Variants in SPACA7 observed in about 807,000 individuals in gnomAD.
SPACA7 encodes the protein sperm acrosome associated 7.
A neutral mutation model predicts 26.3 loss-of-function variants in SPACA7; 19 were observed. That is an observed-to-expected ratio of 0.72 (90% CI 0.50 to 1.06). The LOEUF is 1.06. Among genes scored for constraint, SPACA7 ranks in the 50% least tolerant of loss-of-function variants. The pLI, the probability that SPACA7 is intolerant of heterozygous loss-of-function variation, is 0.00. For missense variants in SPACA7, 211 were observed against 229.9 expected (o/e 0.92, Z 0.53); for synonymous variants, 84 against 84.5 (o/e 0.99, Z 0.04).
chr13:112,426,996 T>C (rs1876599831), intron 5 of SPACA7, among the ~76,000 whole-genome samples: 1 of 152,196 alleles, frequency 6.6e-6, no homozygotes, highest in East Asian at 1.9e-4. Context: ...CTAGGAAGGA[T>C]GATGTTAGCT....
chr13:112,411,187 G>C (rs1886328160), intron 5 of SPACA7, among the ~76,000 whole-genome samples: 1 of 150,840 alleles, frequency 6.6e-6, no homozygotes, highest in African/African-American at 2.4e-5. Context: ...AAAAAAATTG[G>C]GGTATTTAAG....
At chr13:112,431,684 T>C (rs1171659588) in intron 5 of SPACA7, among the ~76,000 whole-genome samples, 1 of 152,220 alleles carries the variant, frequency 6.6e-6, no homozygotes, top group Non-Finnish European at 1.5e-5. Context: ...TTTTAAGGAT[T>C]CCAGGTTGCA....
intron 1 of SPACA7, among the ~76,000 whole-genome samples, chr13:112,391,900 C>T (rs1217263370): frequency 1.3e-5 from 2 of 152,236 alleles, no homozygotes; most frequent in East Asian, 3.8e-4. Context: ...ATTGCCATCA[C>T]ATCTCAGACC....
At chr13:112,388,039 G>A (rs1326835064) in intron 1 of SPACA7, among the ~76,000 whole-genome samples, 12 of 152,114 alleles carry the variant, frequency 7.9e-5, no homozygotes, top group Non-Finnish European at 2.9e-5. Flanking sequence ...CTTCTCTAGG[G>A]CTCATCAAAT....
chr13:112,394,472 C>G (rs1322493292), intron 2 of SPACA7, among the ~76,000 whole-genome samples: 1 of 151,702 alleles, frequency 6.6e-6, no homozygotes, highest in African/African-American at 2.4e-5. Flanking sequence ...TGGGCCCTTT[C>G]CAGGAGCTGT....
intron 5 of SPACA7, among the ~76,000 whole-genome samples, chr13:112,415,124 T>C (rs148823589): frequency 2.4e-3 from 358 of 152,336 alleles, no homozygotes; most frequent in African/African-American, 8.2e-3. Flanking sequence ...GGGAGAATCC[T>C]CTGGGCTCCC....
intron 1 of SPACA7, among the ~76,000 whole-genome samples, chr13:112,388,780 A>T (rs1368951144): frequency 6.6e-6 from 1 of 152,228 alleles, no homozygotes; most frequent in Non-Finnish European, 1.5e-5. Context: ...CTCCCCAAGC[A>T]TTCGGGAAAC....
intron 1 of SPACA7, among the ~76,000 whole-genome samples, chr13:112,378,360 G>C (rs1883826984): frequency 6.6e-6 from 1 of 152,100 alleles, no homozygotes; most frequent in Non-Finnish European, 1.5e-5. Flanking sequence ...ATAAAATATG[G>C]CTCTATGGTC....
At chr13:112,383,913 G>C (rs1448089866) in intron 1 of SPACA7, among the ~76,000 whole-genome samples, 1 of 152,184 alleles carries the variant, frequency 6.6e-6, no homozygotes, top group Non-Finnish European at 1.5e-5. Context: ...CATAAATTGA[G>C]AATACTTAGA....
chr13:112,382,843 G>T (rs531602053), intron 1 of SPACA7, among the ~76,000 whole-genome samples: 6 of 152,060 alleles, frequency 3.9e-5, no homozygotes, highest in Non-Finnish European at 5.9e-5. Context: ...CAAAAAATTA[G>T]CCAGGCATGG....
intron 5 of SPACA7, among the ~76,000 whole-genome samples, chr13:112,424,939 T>C (rs544407181): frequency 3.3e-5 from 5 of 152,324 alleles, no homozygotes; most frequent in African/African-American, 1.2e-4. Flanking sequence ...GCACCTTGCC[T>C]TGAGTAGGTG....
chr13:112,428,609 AAAG>A (rs1298721871), intron 5 of SPACA7, among the ~76,000 whole-genome samples: 1 of 152,126 alleles, frequency 6.6e-6, no homozygotes, highest in Non-Finnish European at 1.5e-5. Flanking sequence ...AAAACAAAAA[AAAG>A]AAGTGTGCTA....
chr13:112,382,530 G>A, intron 1 of SPACA7: 1 of 1,548,762 alleles, frequency 6.5e-7, no homozygotes. Context: ...GAACCGTTTT[G>A]CAACTATCTG....
At chr13:112,377,067 G>A (rs1883742614) in intron 1 of SPACA7, among the ~76,000 whole-genome samples, 2 of 152,114 alleles carry the variant, frequency 1.3e-5, no homozygotes, top group South Asian at 4.1e-4. Context: ...GTGGAGAGTG[G>A]GCTCAACTCC....
rs1268911026 is a variant in SPACA7, at chr13:112,399,107, A to T, written c.283A>T (p.Asn95Tyr). Residue 95 changes from asparagine to tyrosine, a missense_variant, in exon 4 of 7, where the codon AAT becomes TAT. Asn to Tyr is a moderately radical substitution (Grantham distance 143, BLOSUM62 -2). Coordinates refer to ENST00000283550, the MANE Select transcript of SPACA7 (RefSeq NM_145248.5). ...GAATTATCAAGCTGGTGGTTCTGAG[A>T]ATTACCATGAATTATTAGAGAATTT... ...DENYQAGGSENYHELLENLQF... is the reference protein window; with the variant it reads ...DENYQAGGSEYYHELLENLQF... The T allele has an allele frequency of 6.2e-7, 1 of 1,610,852 alleles. No homozygotes were observed. The highest frequency in any genetic ancestry group is 2.2e-5 in the East Asian group (1 of 44,866).
chr13:112,398,728 A>C (rs962336942), intron 3 of SPACA7, among the ~76,000 whole-genome samples: 2 of 152,216 alleles, frequency 1.3e-5, no homozygotes, highest in Admixed American at 6.5e-5. Flanking sequence ...GTTGCCAAGG[A>C]GAGAACTGGG....
rs1434342083 is a variant in SPACA7 at position 112,383,187 on chromosome 13, AAGAAAGAAAAG to A, written c.94+6710_94+6720del. Among the ~76,000 whole-genome samples the A allele has an allele frequency of 9.1e-4, 128 of 139,950 alleles. 1 individual carries two copies. The highest frequency in any genetic ancestry group is 3.2e-3 in the African/African-American group (112 of 34,928). 91.8% of individuals were successfully genotyped at this position (139,950 alleles called of 152,430 possible). A position where few individuals can be genotyped will look rare whatever the true frequency, so the allele number is the denominator to read the frequency against. On this transcript the variant is annotated intron_variant, in intron 1 of 6. Coordinates refer to ENST00000283550, the MANE Select transcript of SPACA7 (RefSeq NM_145248.5). ...AAAGAAAGAAAGAAAGAAAGAAAGA[AAGAAAGAAAAG>A]AAAGAAAGAAAGGAAAGAAGGAAGA...
intron 6 of SPACA7, among the ~76,000 whole-genome samples, chr13:112,434,273 G>T (rs72670927): frequency 0.04 from 6,071 of 152,258 alleles, 166 homozygotes; most frequent in Non-Finnish European, 0.055. Flanking sequence ...ACACTGGACA[G>T]GGTGGCCCCG....
chr13:112,432,641 T>A (rs1330316844), intron 6 of SPACA7, 120 bp downstream of exon 6: 1 of 708,392 alleles, frequency 1.4e-6, no homozygotes, highest in African/African-American at 1.8e-5. Flanking sequence ...CAGGTGGACC[T>A]ACCTGAGCTC....
Sources: gnomAD v4.1 joint callset for allele counts (sites outside exome capture counted in the v4.1 genomes callset) on GRCh38, gnomAD v4.1.1 for gene constraint, MANE v1.5 for transcripts, NCBI Gene and HGNC (gene_info 2026-07-23, HGNC 2026-07-21) for gene names.